KIF16B: variants seen among roughly 807,000 people sequenced by gnomAD.
KIF16B encodes kinesin family member 16B, also known as kinesin-like protein KIF16B.
Under a neutral mutation model 156.3 loss-of-function variants are expected in KIF16B, and 98 were observed. The observed-to-expected ratio is 0.63, with a 90% confidence interval of 0.53 to 0.74. The LOEUF (loss-of-function observed/expected upper bound fraction) is 0.74, where lower values mean the gene tolerates loss of function less well. KIF16B is among the 30% of genes least tolerant of loss of function. The probability of loss-of-function intolerance (pLI) is 0.00; values close to 1 mark genes in which losing one functional copy is unlikely to be tolerated. For synonymous variants in KIF16B, 564 were observed against 583.7 expected, an observed-to-expected ratio of 0.97 and a Z score of 0.49; for missense variants, 1,421 against 1,606.5, an observed-to-expected ratio of 0.88 and a Z score of 1.97.
chr20:16,498,691 T>C (rs1000396945), intron 10 of KIF16B, among the ~76,000 whole-genome samples: 8 of 152,106 alleles, frequency 5.3e-5, no homozygotes, highest in Middle Eastern at 3.4e-3. Context: ...ATAAATGTGG[T>C]ATTCTTAATC....
At chr20:16,561,535 G>A (rs1041560734) in intron 1 of KIF16B, among the ~76,000 whole-genome samples, 5 of 152,096 alleles carry the variant, frequency 3.3e-5, no homozygotes, top group Non-Finnish European at 5.9e-5. Context: ...GTGTTGCCAT[G>A]AGGGGAAAAT....
intron 1 of KIF16B, among the ~76,000 whole-genome samples, chr20:16,538,280 A>G (rs1420777891): frequency 1.3e-5 from 2 of 152,242 alleles, no homozygotes; most frequent in Non-Finnish European, 2.9e-5. Flanking sequence ...CTACAACGCC[A>G]GGCACTGAGA....
intron 1 of KIF16B, among the ~76,000 whole-genome samples, chr20:16,562,644 G>A (rs908647372): frequency 9.2e-5 from 8 of 87,254 alleles, no homozygotes; most frequent in East Asian, 3.2e-4. Context: ...TCCAGGCCCC[G>A]GGGAAACAGC....
intron 22 of KIF16B, among the ~76,000 whole-genome samples, chr20:16,369,713 C>T (rs959000141): frequency 1.3e-5 from 2 of 152,192 alleles, no homozygotes; most frequent in Non-Finnish European, 2.9e-5. Context: ...TGTTCTAACC[C>T]AGGTTACATT....
At position 16,486,434 on chromosome 20, in the gene KIF16B, T is replaced by C. The variant is rs191461823; in HGVS notation, c.1302+7857A>G. ...ATTGGAACGTTAGCATGTCAAAGGATGCCCACCACCTCTCATCTCTTCTTC... is the reference window on the plus strand; with the variant it reads ...ATTGGAACGTTAGCATGTCAAAGGACGCCCACCACCTCTCATCTCTTCTTC... On this transcript the variant is annotated intron_variant, in intron 12 of 25. Coordinates refer to ENST00000354981, the MANE Select transcript of KIF16B (RefSeq NM_024704.5). Among the ~76,000 whole-genome samples the C allele has an allele frequency of 1.2e-4, 19 of 152,324 alleles. No individual in the cohort carries two copies. The East Asian group carries it at 3.7e-3, about 29-fold the overall frequency.
intron 10 of KIF16B, among the ~76,000 whole-genome samples, chr20:16,503,209 T>C (rs1265794201): frequency 6.6e-6 from 1 of 152,086 alleles, no homozygotes; most frequent in Non-Finnish European, 1.5e-5. Flanking sequence ...AGACTCTATC[T>C]CAAAAAGAAA....
At chr20:16,438,365 T>C (rs1186099682) in intron 12 of KIF16B, among the ~76,000 whole-genome samples, 1 of 152,194 alleles carries the variant, frequency 6.6e-6, no homozygotes, top group Non-Finnish European at 1.5e-5. Flanking sequence ...AGACTATTAA[T>C]ACAACTTTTA....
chr20:16,512,353 T>C (rs1290436093), intron 5 of KIF16B, among the ~76,000 whole-genome samples: 2 of 152,198 alleles, frequency 1.3e-5, no homozygotes, highest in African/African-American at 4.8e-5. Flanking sequence ...AAATCCTATA[T>C]TGCCATGTCT....
chr20:16,326,417 A>C (rs1464911124), intron 24 of KIF16B, among the ~76,000 whole-genome samples: 1 of 151,970 alleles, frequency 6.6e-6, no homozygotes, highest in African/African-American at 2.4e-5. Context: ...CAAAGGAATA[A>C]TATCCAGAAT....
intron 11 of KIF16B, among the ~76,000 whole-genome samples, chr20:16,495,841 C>T (rs2068436602): frequency 6.6e-6 from 1 of 152,120 alleles, no homozygotes; most frequent in Non-Finnish European, 1.5e-5. Flanking sequence ...CAGGTGCACA[C>T]CACCACGCCC....
chr20:16,522,954 C>T (rs944063550), intron 3 of KIF16B, among the ~76,000 whole-genome samples: 5 of 152,062 alleles, frequency 3.3e-5, no homozygotes, highest in Admixed American at 2.0e-4. Flanking sequence ...TCTCAACAGA[C>T]GCAGAAAAGG....
chr20:16,274,737 T>C (rs944293323), intron 25 of KIF16B, among the ~76,000 whole-genome samples: 1 of 152,194 alleles, frequency 6.6e-6, no homozygotes. Context: ...GAGTGTCACA[T>C]AGGGGTGCAC....
intron 1 of KIF16B, among the ~76,000 whole-genome samples, chr20:16,570,210 T>C (rs1240809044): frequency 6.6e-6 from 1 of 152,208 alleles, no homozygotes; most frequent in Non-Finnish European, 1.5e-5. Context: ...GATGCAAAAA[T>C]CATCATCTTT....
chr20:16,355,965 C>T (rs1215875325), intron 23 of KIF16B, among the ~76,000 whole-genome samples: 1 of 152,156 alleles, frequency 6.6e-6, no homozygotes, highest in East Asian at 1.9e-4. Flanking sequence ...TAAGACTAAG[C>T]CCATGGGGAG....
At chr20:16,450,668 G>C (rs1473629445) in intron 12 of KIF16B, among the ~76,000 whole-genome samples, 1 of 152,136 alleles carries the variant, frequency 6.6e-6, no homozygotes, top group Non-Finnish European at 1.5e-5. Context: ...TGAGAAAAGG[G>C]GCAGCATCTC....
At chr20:16,429,794 T>A in intron 13 of KIF16B, 69 bp downstream of exon 13, 1 of 1,333,496 alleles carries the variant, frequency 7.5e-7, no homozygotes, top group Non-Finnish European at 1.0e-6. Flanking sequence ...AATATTATAA[T>A]AAACCTAGTT....
At chr20:16,513,837 T>A (rs1458251884) in intron 4 of KIF16B, among the ~76,000 whole-genome samples, 2 of 152,096 alleles carry the variant, frequency 1.3e-5, no homozygotes, top group African/African-American at 4.8e-5. Flanking sequence ...AACCTCAGAA[T>A]ATAGTAAAAA....
At chr20:16,403,733 T>A (rs1027356459) in intron 17 of KIF16B, among the ~76,000 whole-genome samples, 1 of 152,208 alleles carries the variant, frequency 6.6e-6, no homozygotes, top group South Asian at 2.1e-4. Context: ...CAAAGATCCC[T>A]CCTATGACAC....
intron 1 of KIF16B, among the ~76,000 whole-genome samples, chr20:16,562,552 A>C (rs776593550): frequency 9.2e-5 from 14 of 152,176 alleles, no homozygotes; most frequent in Non-Finnish European, 1.5e-4. Flanking sequence ...CACAGAAAGT[A>C]AGAGGCATGT....
Sources: allele counts gnomAD v4.1 joint callset (sites outside exome capture counted in the v4.1 genomes callset), GRCh38; gene constraint gnomAD v4.1.1; transcripts MANE v1.5; gene names NCBI Gene and HGNC (gene_info 2026-07-23, HGNC 2026-07-21).